TACR3: variants seen among roughly 807,000 people sequenced by gnomAD.
The protein encoded by TACR3 is tachykinin receptor 3, also known as neuromedin-K receptor.
TACR3 carries 34 observed loss-of-function variants against 35.0 expected under a neutral mutation model. That is an observed-to-expected ratio of 0.97 (90% CI 0.74 to 1.30). TACR3 has a LOEUF of 1.30. Among genes scored for constraint, TACR3 ranks in the 50% most tolerant of loss-of-function variants. TACR3 has a pLI of 0.00. For missense variants in TACR3, 558 were observed against 591.7 expected (o/e 0.94, Z 0.59); for synonymous variants, 233 against 221.1 (o/e 1.05, Z -0.48).
intron 1 of TACR3, among the ~76,000 whole-genome samples, chr4:103,674,163 T>C (rs950212269): frequency 4.6e-5 from 7 of 152,274 alleles, no homozygotes; most frequent in Admixed American, 1.3e-4. Flanking sequence ...TAGTTAAATA[T>C]ATGAAAGGCT....
intron 3 of TACR3, among the ~76,000 whole-genome samples, chr4:103,625,289 C>G (rs557365107): frequency 6.6e-6 from 1 of 152,158 alleles, no homozygotes; most frequent in African/African-American, 2.4e-5. Flanking sequence ...GAGACATTTA[C>G]AGAGTGCTCT....
chr4:103,604,204 G>T (rs949775072), intron 3 of TACR3, among the ~76,000 whole-genome samples: 3 of 152,198 alleles, frequency 2.0e-5, no homozygotes, highest in Non-Finnish European at 2.9e-5. Context: ...ACAAACCAAT[G>T]CAACAGAACA....
At chr4:103,640,933 T>A (rs1289886761) in intron 3 of TACR3, among the ~76,000 whole-genome samples, 1 of 151,996 alleles carries the variant, frequency 6.6e-6, no homozygotes, top group Non-Finnish European at 1.5e-5. Flanking sequence ...TCTATTTTGC[T>A]TTTGTTGCCA....
intron 1 of TACR3, among the ~76,000 whole-genome samples, chr4:103,708,488 C>T (rs1166489770): frequency 2.0e-5 from 3 of 152,110 alleles, no homozygotes; most frequent in Non-Finnish European, 4.4e-5. Flanking sequence ...AGGACATCCG[C>T]ACCAAAACCC....
intron 1 of TACR3, among the ~76,000 whole-genome samples, chr4:103,672,471 A>G (rs111908532): frequency 2.0e-5 from 3 of 152,302 alleles, no homozygotes; most frequent in Non-Finnish European, 2.9e-5. Context: ...TCTCTATCAG[A>G]GCTCTTGGGT....
intron 1 of TACR3, among the ~76,000 whole-genome samples, chr4:103,665,239 T>A (rs1342836626): frequency 7.2e-6 from 1 of 139,378 alleles, no homozygotes; most frequent in Non-Finnish European, 1.6e-5. Flanking sequence ...CATGTATGAC[T>A]CATATATGAC....
At chr4:103,683,551 G>C (rs1298154504) in intron 1 of TACR3, among the ~76,000 whole-genome samples, 1 of 141,564 alleles carries the variant, frequency 7.1e-6, no homozygotes, top group Non-Finnish European at 1.5e-5. Context: ...TACTACTACA[G>C]AGAAACAGGC....
At chr4:103,616,745 G>A (rs1724669680) in intron 3 of TACR3, among the ~76,000 whole-genome samples, 1 of 152,108 alleles carries the variant, frequency 6.6e-6, no homozygotes, top group African/African-American at 2.4e-5. Context: ...CTAGGAGTTT[G>A]AGACCAGCCT....
intron 1 of TACR3, among the ~76,000 whole-genome samples, chr4:103,704,114 A>G (rs1288154541): frequency 6.8e-6 from 1 of 146,728 alleles, no homozygotes; most frequent in Non-Finnish European, 1.5e-5. Context: ...ACAAAAAAAA[A>G]AAAAAAAAAA....
At chr4:103,685,168 T>C (rs1200021960) in intron 1 of TACR3, among the ~76,000 whole-genome samples, 1 of 152,038 alleles carries the variant, frequency 6.6e-6, no homozygotes, top group African/African-American at 2.4e-5. Context: ...GGTAAAGACA[T>C]AGATCAATGA....
chr4:103,632,207 A>T (rs1163478194), intron 3 of TACR3, among the ~76,000 whole-genome samples: 2 of 152,164 alleles, frequency 1.3e-5, no homozygotes, highest in Non-Finnish European at 2.9e-5. Flanking sequence ...GTTTGTGTGA[A>T]TTTGGCTTAC....
At chr4:103,624,484 G>C (rs1425431799) in intron 3 of TACR3, 1 of 151,896 alleles carries the variant, frequency 6.6e-6, no homozygotes, top group Non-Finnish European at 1.5e-5. Context: ...AGGCTTGAGA[G>C]GCATACAAAT....
At chr4:103,607,961 G>A (rs1383168672) in intron 3 of TACR3, among the ~76,000 whole-genome samples, 1 of 152,098 alleles carries the variant, frequency 6.6e-6, no homozygotes, top group Non-Finnish European at 1.5e-5. Context: ...TCGTTTCCAT[G>A]GAGACTAGTG....
At chr4:103,620,264 T>A (rs995128200) in intron 3 of TACR3, among the ~76,000 whole-genome samples, 7 of 152,176 alleles carry the variant, frequency 4.6e-5, no homozygotes, top group Admixed American at 1.3e-4. Context: ...GGTGAGGTTG[T>A]GGAGAAAAGG....
intron 1 of TACR3, among the ~76,000 whole-genome samples, chr4:103,678,065 T>C (rs1726211429): frequency 6.6e-6 from 1 of 152,176 alleles, no homozygotes; most frequent in African/African-American, 2.4e-5. Flanking sequence ...ATCTCTCCGT[T>C]TAAAACAGTT....
chr4:103,668,824 AG>A (rs1158915432), intron 1 of TACR3, among the ~76,000 whole-genome samples: 2 of 147,570 alleles, frequency 1.4e-5, no homozygotes, highest in Non-Finnish European at 3.0e-5. Context: ...ACTCTGACCT[AG>A]GTGACAGAGT....
chr4:103,597,618 C>A (rs184245491), intron 3 of TACR3, among the ~76,000 whole-genome samples: 1,959 of 151,228 alleles, frequency 0.013, 38 homozygotes, highest in African/African-American at 0.043. Flanking sequence ...CCCCACCCCA[C>A]AAGAGTCCCC....
intron 3 of TACR3, among the ~76,000 whole-genome samples, chr4:103,634,712 G>T (rs577785706): frequency 6.6e-6 from 1 of 152,120 alleles, no homozygotes; most frequent in South Asian, 2.1e-4. Context: ...TCTGTCAATA[G>T]CGTCCTCATT....
intron 3 of TACR3, among the ~76,000 whole-genome samples, chr4:103,618,102 G>T (rs559856855): frequency 2.6e-5 from 4 of 152,214 alleles, no homozygotes; most frequent in African/African-American, 9.6e-5. Flanking sequence ...AATTCTATTT[G>T]TGTTTTTGTT....
Sources: gnomAD v4.1 joint callset for allele counts (sites outside exome capture counted in the v4.1 genomes callset) on GRCh38, gnomAD v4.1.1 for gene constraint, MANE v1.5 for transcripts, NCBI Gene and HGNC (gene_info 2026-07-23, HGNC 2026-07-21) for gene names.